ZZEF1: variants seen among roughly 807,000 people sequenced by gnomAD.
ZZEF1 encodes zinc finger ZZ-type and EF-hand domain containing 1, also known as zinc finger ZZ-type and EF-hand domain-containing protein 1.
ZZEF1 carries 157 observed loss-of-function variants against 342.8 expected under a neutral mutation model. That is an observed-to-expected ratio of 0.46 (90% CI 0.40 to 0.52). The LOEUF is 0.52. ZZEF1 is among the 20% of genes least tolerant of loss of function. ZZEF1 has a pLI of 0.00. For synonymous variants in ZZEF1, 1,505 were observed against 1,429.1 expected, an observed-to-expected ratio of 1.05 and a Z score of -1.20; for missense variants, 3,480 against 3,725.6, an observed-to-expected ratio of 0.93 and a Z score of 1.72.
chr17:4,087,720 T>G (rs1480464475), intron 13 of ZZEF1, among the ~76,000 whole-genome samples, 186 bp from the exon 14 acceptor site: 2 of 152,014 alleles, frequency 1.3e-5, no homozygotes. Context: ...TTTGAAACTT[T>G]CTAAAATATA....
chr17:4,087,389 T>C (rs886765064), intron 14 of ZZEF1, 45 bp downstream of exon 14: 17 of 1,487,494 alleles, frequency 1.1e-5, no homozygotes, highest in East Asian at 2.3e-5. Flanking sequence ...AAACTCATTG[T>C]TTTCAGTTTA....
At chr17:4,103,077 A>G (rs1487287358) in intron 8 of ZZEF1, among the ~76,000 whole-genome samples, 1 of 152,124 alleles carries the variant, frequency 6.6e-6, no homozygotes, top group East Asian at 1.9e-4. Context: ...AATTCTATTC[A>G]GCTTCCAGAC....
intron 1 of ZZEF1, among the ~76,000 whole-genome samples, chr17:4,130,938 G>C (rs2058653659): frequency 6.6e-6 from 1 of 152,100 alleles, no homozygotes; most frequent in African/African-American, 2.4e-5. Context: ...AATGGGACTC[G>C]ATCAGCAGTC....
intron 37 of ZZEF1, among the ~76,000 whole-genome samples, chr17:4,047,709 G>A (rs1335627900): frequency 4.6e-5 from 7 of 151,014 alleles, no homozygotes; most frequent in East Asian, 2.0e-4. Flanking sequence ...TTGGGAGGCC[G>A]AGGCAGGCAG....
intron 2 of ZZEF1, among the ~76,000 whole-genome samples, chr17:4,120,523 G>A (rs549759544): frequency 2.6e-5 from 4 of 152,232 alleles, no homozygotes; most frequent in South Asian, 2.1e-4. Flanking sequence ...ATGACAGGCC[G>A]TCTGAAAGCT....
At chr17:4,087,810 ACACACACACACACAC>A (rs1369541554) in intron 13 of ZZEF1, among the ~76,000 whole-genome samples, 1 of 148,162 alleles carries the variant, frequency 6.7e-6, no homozygotes, top group African/African-American at 2.6e-5. Flanking sequence ...ACACACACAC[ACACACACACACACAC>A]ATCCATGAAC....
chr17:4,019,300 G>T (rs2056201180), intron 46 of ZZEF1, among the ~76,000 whole-genome samples: 1 of 152,170 alleles, frequency 6.6e-6, no homozygotes, highest in African/African-American at 2.4e-5. Flanking sequence ...TCCTGGCCAA[G>T]AGAAAGGGAA....
chr17:4,048,141 T>G (rs1300711339), intron 37 of ZZEF1, among the ~76,000 whole-genome samples: 1 of 152,138 alleles, frequency 6.6e-6, no homozygotes. Context: ...GACTACTGAT[T>G]AATCCCATTT....
chr17:4,124,062 A>T lies in ZZEF1; in HGVS notation c.355-11T>A. ...AAACTGGGCAAAGGCCTACAAGATA[A>T]GAGATGCAAGAAAATCAGGGCTGTT... On this transcript the variant is annotated splice_polypyrimidine_tract_variant and intron_variant, in intron 1 of 54. Coordinates refer to ENST00000381638, the MANE Select transcript of ZZEF1 (RefSeq NM_015113.4). The T allele has an allele frequency of 6.3e-7, 1 of 1,595,352 alleles. No individual in the cohort carries two copies. The highest frequency in any genetic ancestry group is 8.5e-7 in the Non-Finnish European group (1 of 1,170,424).
intron 1 of ZZEF1, among the ~76,000 whole-genome samples, chr17:4,128,455 G>A (rs961736878): frequency 2.0e-5 from 1 of 49,592 alleles, no homozygotes; most frequent in African/African-American, 3.9e-5. Context: ...TTTTTCTAAA[G>A]TTGTTTTTTT....
intron 30 of ZZEF1, among the ~76,000 whole-genome samples, chr17:4,060,839 C>T (rs2145213331): frequency 6.6e-6 from 1 of 152,336 alleles, no homozygotes; most frequent in East Asian, 1.9e-4. Flanking sequence ...CTCACTACTA[C>T]AGATAAGAGC....
chr17:4,029,846 C>T (rs1257473580), intron 42 of ZZEF1, among the ~76,000 whole-genome samples: 1 of 146,888 alleles, frequency 6.8e-6, no homozygotes, highest in East Asian at 2.0e-4. Context: ...TGCACTCCAG[C>T]CTGGGCAACA....
chr17:4,104,513 T>C (rs2058177971), intron 8 of ZZEF1, 120 bp downstream of exon 8: 2 of 1,047,398 alleles, frequency 1.9e-6, no homozygotes, highest in East Asian at 2.5e-5. Context: ...CCAGGAATCA[T>C]GGTGTAACTA....
At chr17:4,113,070 A>G (rs1206068579) in intron 4 of ZZEF1, among the ~76,000 whole-genome samples, 1 of 152,256 alleles carries the variant, frequency 6.6e-6, no homozygotes, top group Non-Finnish European at 1.5e-5. Flanking sequence ...CAGTATGAAC[A>G]TTCTAACAAA....
chr17:4,056,420 T>C (rs2057160411), intron 32 of ZZEF1, 75 bp from the exon 33 acceptor site: 2 of 1,433,004 alleles, frequency 1.4e-6, no homozygotes, highest in Non-Finnish European at 1.8e-6. Context: ...GCAGACCCTG[T>C]GTCTATAGGT....
Position 4,074,249 on chromosome 17 carries a change from G to C in ZZEF1, c.3586C>G (p.Pro1196Ala), listed in dbSNP as rs1283115359. 1 of 1,614,144 alleles carries C rather than the reference G, an allele frequency of 6.2e-7. No homozygotes were observed. The highest frequency in any genetic ancestry group is 1.7e-5 in the Admixed American group (1 of 60,014). Residue 1196 changes from proline (P) to alanine (A), a missense_variant, in exon 24 of 55, where the codon CCC (proline) becomes GCC (alanine). Physicochemically the swap from Pro to Ala is conservative, Grantham distance 27. Transcript: ENST00000381638. Reference sequence around the variant, plus strand: ...AGCCCCCAAGACACGGCAACATCGGGCAGCCCACAGGCAGTGACAGTGAAT... The same window carrying C: ...AGCCCCCAAGACACGGCAACATCGGCCAGCCCACAGGCAGTGACAGTGAAT... The part of the protein sequence containing the change: ...YKFTVTACGL[P>A]DVAVSWGLDL...
In ZZEF1 at chr17:4,104,688, G is replaced by A. The variant is rs1280287591; in HGVS notation, c.1518C>T (p.Ala506=). 1.2e-6 allele frequency: 2 copies of A among 1,614,120 alleles called. No individual in the cohort carries two copies. Among genetic ancestry groups the A allele is most frequent in the Admixed American group, 3.3e-5 (2 of 60,016 alleles). The change falls in exon 8 of 55, where the codon GCC becomes GCT. Residue 506 remains alanine (A), a synonymous_variant. Transcript: ENST00000381638. The stretch of plus-strand genomic sequence containing the variant: ...ACGCCATGGACAAGATGAGGGATGA[G>A]GCATCATACTGCGTGTCCAGATGGT... ...ITDHLDTQYD[A]SSLILSMASV... is the part of the protein sequence containing the mutation.
intron 39 of ZZEF1, among the ~76,000 whole-genome samples, chr17:4,036,310 T>G (rs1201311241): frequency 2.0e-5 from 3 of 152,160 alleles, no homozygotes; most frequent in Non-Finnish European, 4.4e-5. Flanking sequence ...CCTGTGCATT[T>G]AAAAATGTTT....
chr17:4,101,586 C>T (rs577116224), intron 9 of ZZEF1, among the ~76,000 whole-genome samples: 10 of 152,240 alleles, frequency 6.6e-5, no homozygotes, highest in Admixed American at 2.6e-4. Flanking sequence ...CCTCTAGACA[C>T]GCAAATACTA....
Sources: gnomAD v4.1 joint callset for allele counts (sites outside exome capture counted in the v4.1 genomes callset) on GRCh38, gnomAD v4.1.1 for gene constraint, MANE v1.5 for transcripts, NCBI Gene and HGNC (gene_info 2026-07-23, HGNC 2026-07-21) for gene names.